The following ARFIP1 variants were observed in gnomAD, a reference collection of about 807,000 sequenced individuals.
ARFIP1 encodes the protein arfaptin-1.
Under a neutral mutation model 42.5 loss-of-function variants are expected in ARFIP1, and 24 were observed. The ratio of observed to expected loss-of-function variants is 0.57; its 90% CI spans 0.41 to 0.80. The LOEUF is 0.80. ARFIP1 is among the 30% of genes least tolerant of loss of function. ARFIP1 has a pLI of 0.00. For synonymous variants in ARFIP1, 141 were observed against 153.7 expected, an observed-to-expected ratio of 0.92 and a Z score of 0.61; for missense variants, 354 against 434.0, an observed-to-expected ratio of 0.82 and a Z score of 1.64.
chr4:152,837,330 T>C (rs550345553), intron 2 of ARFIP1, among the ~76,000 whole-genome samples: 3 of 152,356 alleles, frequency 2.0e-5, no homozygotes, highest in Admixed American at 2.0e-4. Context: ...GTTCTACTTT[T>C]AGTTCTTTAA....
intron 2 of ARFIP1, among the ~76,000 whole-genome samples, chr4:152,859,118 A>G (rs1325753607): frequency 6.6e-6 from 1 of 152,130 alleles, no homozygotes; most frequent in Admixed American, 6.5e-5. Context: ...TCTACAGGGC[A>G]GTCGCACCAA....
At chr4:152,786,856 C>CT (rs1730839439) in intron 1 of ARFIP1, among the ~76,000 whole-genome samples, 1 of 152,228 alleles carries the variant, frequency 6.6e-6, no homozygotes, top group Non-Finnish European at 1.5e-5. Context: ...TTTGTACATG[C>CT]TTTTCTCTCT....
intron 1 of ARFIP1, among the ~76,000 whole-genome samples, chr4:152,813,077 CCAT>C (rs1447663137): frequency 2.0e-5 from 3 of 152,120 alleles, no homozygotes; most frequent in Non-Finnish European, 1.5e-5. Flanking sequence ...GAGTTCTAAT[CCAT>C]GGATTCAGCC....
chr4:152,788,356 A>G (rs1578797971), intron 1 of ARFIP1, among the ~76,000 whole-genome samples: 1 of 152,188 alleles, frequency 6.6e-6, no homozygotes, highest in South Asian at 2.1e-4. Flanking sequence ...CTGTGAAGAT[A>G]GAATAGAGCT....
chr4:152,892,058 C>G (rs1358427755), intron 8 of ARFIP1, among the ~76,000 whole-genome samples: 4 of 151,968 alleles, frequency 2.6e-5, no homozygotes, highest in African/African-American at 4.8e-5. Flanking sequence ...TTTCTTCCCC[C>G]CAACCACTCA....
chr4:152,802,777 T>C (rs1578827777), intron 1 of ARFIP1, among the ~76,000 whole-genome samples: 1 of 152,200 alleles, frequency 6.6e-6, no homozygotes, highest in Non-Finnish European at 1.5e-5. Flanking sequence ...AGGAAACTTA[T>C]TTCTGGTGTG....
intron 6 of ARFIP1, 80 bp from the exon 7 acceptor site, chr4:152,882,643 C>T (rs1205290548): frequency 7.5e-7 from 1 of 1,328,610 alleles, no homozygotes; most frequent in African/African-American, 1.5e-5. Flanking sequence ...CATATTTTCC[C>T]ATTAGTGACG....
chr4:152,838,683 G>T (rs774661129), intron 2 of ARFIP1, among the ~76,000 whole-genome samples: 12 of 152,124 alleles, frequency 7.9e-5, no homozygotes, highest in Non-Finnish European at 1.6e-4. Flanking sequence ...CTTTCTGGAG[G>T]AGTCCTTAGG....
intron 7 of ARFIP1, among the ~76,000 whole-genome samples, chr4:152,883,931 C>G (rs943997167): frequency 5.3e-5 from 8 of 151,744 alleles, no homozygotes; most frequent in African/African-American, 9.7e-5. Flanking sequence ...TAACTTTACT[C>G]TTTGGCCTCT....
At chr4:152,860,156 T>C (rs1578951429) in intron 2 of ARFIP1, among the ~76,000 whole-genome samples, 3 of 152,134 alleles carry the variant, frequency 2.0e-5, no homozygotes, top group African/African-American at 7.2e-5. Flanking sequence ...GATGTTGTAG[T>C]GTACTTTTTG....
At chr4:152,868,959 A>G (rs1250774543) in intron 3 of ARFIP1, among the ~76,000 whole-genome samples, 2 of 152,218 alleles carry the variant, frequency 1.3e-5, no homozygotes, top group Non-Finnish European at 2.9e-5. Flanking sequence ...CTTACCGTTT[A>G]ATGTGACAGT....
chr4:152,781,884 C>T (rs904321432), intron 1 of ARFIP1, among the ~76,000 whole-genome samples: 12 of 152,212 alleles, frequency 7.9e-5, no homozygotes, highest in Non-Finnish European at 1.5e-4. Context: ...CTTCCTCATT[C>T]CCACCCCTGA....
At chr4:152,855,452 C>T (rs979119472) in intron 2 of ARFIP1, among the ~76,000 whole-genome samples, 6 of 152,140 alleles carry the variant, frequency 3.9e-5, no homozygotes, top group South Asian at 2.1e-4. Flanking sequence ...TAGTGACTGG[C>T]GGCAGCCTAG....
At chr4:152,792,512 T>A (rs1731200129) in intron 1 of ARFIP1, among the ~76,000 whole-genome samples, 1 of 152,194 alleles carries the variant, frequency 6.6e-6, no homozygotes, top group South Asian at 2.1e-4. Flanking sequence ...TCAGACCACC[T>A]GTTATATGAG....
At chr4:152,860,254 G>T (rs531270100) in intron 2 of ARFIP1, among the ~76,000 whole-genome samples, 92 of 152,240 alleles carry the variant, frequency 6.0e-4, no homozygotes, top group African/African-American at 2.2e-3. Flanking sequence ...TTTGCCTGGG[G>T]TTATGCAGCC....
At chr4:152,799,165 A>C (rs1731650601) in intron 1 of ARFIP1, among the ~76,000 whole-genome samples, 1 of 152,214 alleles carries the variant, frequency 6.6e-6, no homozygotes. Context: ...TTTGCCAAAT[A>C]ATTTTTCTGA....
chr4:152,781,482 C>T (rs1561090733), intron 1 of ARFIP1, among the ~76,000 whole-genome samples: 1 of 152,178 alleles, frequency 6.6e-6, no homozygotes, highest in Non-Finnish European at 1.5e-5. Context: ...AATGATCCTC[C>T]CTCCTCGGCC....
chr4:152,804,418 T>C (rs797021670), intron 1 of ARFIP1, among the ~76,000 whole-genome samples: 349 of 104,320 alleles, frequency 3.3e-3, no homozygotes, highest in East Asian at 0.026. Context: ...ACATGTATTA[T>C]ATATTATATA....
intron 7 of ARFIP1, among the ~76,000 whole-genome samples, chr4:152,886,106 T>C (rs1736239197): frequency 6.6e-6 from 1 of 150,502 alleles, no homozygotes; most frequent in African/African-American, 2.5e-5. Context: ...TCTTTTGTAT[T>C]TGTCTCCTTA....
Sources: gnomAD v4.1 joint callset for allele counts (sites outside exome capture counted in the v4.1 genomes callset) on GRCh38, gnomAD v4.1.1 for gene constraint, MANE v1.5 for transcripts, NCBI Gene and HGNC (gene_info 2026-07-23, HGNC 2026-07-21) for gene names.